The following RABGAP1L variants were observed in gnomAD, a reference collection of about 807,000 sequenced individuals.
RABGAP1L encodes the protein rab GTPase-activating protein 1-like.
Under a neutral mutation model 137.7 loss-of-function variants are expected in RABGAP1L, and 63 were observed. The observed-to-expected ratio is 0.46, with a 90% CI of 0.37 to 0.56. RABGAP1L has a LOEUF of 0.56. RABGAP1L is among the 20% of genes least tolerant of loss of function. The pLI is 0.00. For synonymous variants in RABGAP1L, 431 were observed against 433.7 expected, an observed-to-expected ratio of 0.99 and a Z score of 0.08; for missense variants, 1,095 against 1,244.0, an observed-to-expected ratio of 0.88 and a Z score of 1.80.
chr1:174,346,756 T>C (rs1437151724), intron 11 of RABGAP1L, among the ~76,000 whole-genome samples: 1 of 152,002 alleles, frequency 6.6e-6, no homozygotes, highest in Admixed American at 6.5e-5. Flanking sequence ...TTCTTTTTTT[T>C]CTCCTAATTT....
intron 25 of RABGAP1L, among the ~76,000 whole-genome samples, chr1:174,989,220 C>T (rs918548508): frequency 1.3e-5 from 2 of 152,158 alleles, no homozygotes; most frequent in South Asian, 2.1e-4. Context: ...TTGGCTGACA[C>T]CCGTTCTTTC....
intron 17 of RABGAP1L, 71 bp downstream of exon 17, chr1:174,702,327 T>A: frequency 7.4e-7 from 1 of 1,356,042 alleles, no homozygotes; most frequent in Non-Finnish European, 9.9e-7. Context: ...TACAGTTTTC[T>A]TCCTTTTGTT....
chr1:174,255,988 T>C (rs969303829), intron 7 of RABGAP1L, among the ~76,000 whole-genome samples: 12 of 152,266 alleles, frequency 7.9e-5, no homozygotes, highest in African/African-American at 2.9e-4. Flanking sequence ...AGTATACTTA[T>C]CAACATACGT....
chr1:174,533,790 C>T (rs1234741016), intron 13 of RABGAP1L, among the ~76,000 whole-genome samples: 1 of 152,086 alleles, frequency 6.6e-6, no homozygotes, highest in Non-Finnish European at 1.5e-5. Context: ...CCTGCCTCAG[C>T]CTCCCAAGTA....
chr1:174,307,532 T>C (rs567022053), intron 11 of RABGAP1L, among the ~76,000 whole-genome samples: 1 of 152,298 alleles, frequency 6.6e-6, no homozygotes, highest in African/African-American at 2.4e-5. Flanking sequence ...TTTTGCATAA[T>C]TCATATAAAT....
rs913202748 is a variant in RABGAP1L, at chr1:174,831,295, A to G, written c.2340+19335A>G. 2.7e-4 allele frequency among the ~76,000 whole-genome samples: 40 copies of G among 148,412 alleles called. 2 individuals carry two copies. Among genetic ancestry groups the G allele is most frequent in the African/African-American group, 9.3e-4 (38 of 40,704 alleles). The stretch of plus-strand genomic sequence containing the variant: ...GTACTCCGAGTCTCCCAAAGTACCT[A>G]CATTCTTAGCCAAGATACAGCAGCA... On this transcript the variant is annotated intron_variant, in intron 19 of 25. Transcript: ENST00000681986.
At chr1:174,624,699 G>T (rs1306843193) in intron 13 of RABGAP1L, among the ~76,000 whole-genome samples, 1 of 152,044 alleles carries the variant, frequency 6.6e-6, no homozygotes, top group Non-Finnish European at 1.5e-5. Context: ...AAAAATGATG[G>T]AAAATGGTAA....
At chr1:174,610,730 T>G (rs562174450) in intron 13 of RABGAP1L, among the ~76,000 whole-genome samples, 2 of 152,372 alleles carry the variant, frequency 1.3e-5, no homozygotes, top group South Asian at 4.1e-4. Context: ...TTTCCTGACT[T>G]TTTAATGATC....
chr1:174,374,898 G>T (rs575331899), intron 12 of RABGAP1L, among the ~76,000 whole-genome samples: 2 of 152,080 alleles, frequency 1.3e-5, no homozygotes, highest in African/African-American at 4.8e-5. Context: ...AATTTTTATT[G>T]TCTTTTTATG....
intron 12 of RABGAP1L, among the ~76,000 whole-genome samples, chr1:174,377,427 G>A (rs1685641971): frequency 6.6e-6 from 1 of 152,086 alleles, no homozygotes; most frequent in Non-Finnish European, 1.5e-5. Context: ...ACAATGGAAA[G>A]GCATATTACC....
intron 17 of RABGAP1L, among the ~76,000 whole-genome samples, chr1:174,735,713 G>A (rs1009063084): frequency 6.7e-6 from 1 of 149,586 alleles, no homozygotes; most frequent in South Asian, 2.1e-4. Context: ...GGCTGTACAA[G>A]CATGACTCCA....
In RABGAP1L at chr1:174,403,247, G is replaced by GTGTGTGTA. The variant is rs1210664506; in HGVS notation, c.1710+9103_1710+9104insGTGTGTAT. Reference sequence around the variant, plus strand: ...TGTGTGTGTGTGTGTGTGTGTGTGTGTATATATATGTGTATACCATTTCTT... The same window carrying GTGTGTGTA: ...TGTGTGTGTGTGTGTGTGTGTGTGTGTGTGTGTATATATATATGTGTATACCATTTCTT... On this transcript the variant is annotated intron_variant, in intron 13 of 25. Coordinates refer to ENST00000681986, the MANE Select transcript of RABGAP1L (RefSeq NM_001366446.1). Among the ~76,000 whole-genome samples, 20 of 129,402 alleles carry GTGTGTGTA rather than the reference G, an allele frequency of 1.5e-4. No individual in the cohort carries two copies. The South Asian group carries it at 3.5e-3, about 23-fold the overall frequency. The allele number at this position is 129,402 out of a possible 152,430, so 84.9% of individuals were successfully genotyped here.
chr1:174,925,354 CAAAAAAAAAA>C (rs545791515), intron 19 of RABGAP1L, among the ~76,000 whole-genome samples: 1 of 54,782 alleles, frequency 1.8e-5, no homozygotes, highest in Admixed American at 2.4e-4. Context: ...GACTCCGTCT[CAAAAAAAAAA>C]AAAAAAAAAA....
At chr1:174,659,212 A>T (rs1203792536) in intron 14 of RABGAP1L, among the ~76,000 whole-genome samples, 4 of 149,688 alleles carry the variant, frequency 2.7e-5, no homozygotes, top group African/African-American at 1.0e-4. Context: ...TGTGTTACCG[A>T]TGAAGATACC....
chr1:174,663,952 A>G (rs1460564777), intron 14 of RABGAP1L, among the ~76,000 whole-genome samples: 1 of 152,180 alleles, frequency 6.6e-6, no homozygotes, highest in Non-Finnish European at 1.5e-5. Context: ...TAGTGTTTCT[A>G]GGGACTCAGA....
chr1:174,206,317 T>A (rs749739393), intron 1 of RABGAP1L, among the ~76,000 whole-genome samples: 1 of 152,226 alleles, frequency 6.6e-6, no homozygotes, highest in Non-Finnish European at 1.5e-5. Context: ...CTTGTGTACA[T>A]GCATACATAT....
intron 10 of RABGAP1L, among the ~76,000 whole-genome samples, chr1:174,299,657 A>G (rs1483252597): frequency 6.6e-6 from 1 of 152,184 alleles, no homozygotes; most frequent in Non-Finnish European, 1.5e-5. Flanking sequence ...AGTTCAAAAT[A>G]AGTTTCCTTG....
chr1:174,874,385 C>G (rs550697016), intron 19 of RABGAP1L: 2 of 779,384 alleles, frequency 2.6e-6, no homozygotes, highest in African/African-American at 1.9e-5. Flanking sequence ...TGAAACCTAG[C>G]GAAGTTAAAT....
intron 13 of RABGAP1L, among the ~76,000 whole-genome samples, chr1:174,550,730 C>T (rs192656785): frequency 7.9e-4 from 119 of 150,508 alleles, no homozygotes; most frequent in African/African-American, 2.5e-3. Flanking sequence ...TTATAAAACC[C>T]GCTACCAAGC....
Sources: allele counts gnomAD v4.1 joint callset (sites outside exome capture counted in the v4.1 genomes callset), GRCh38; gene constraint gnomAD v4.1.1; transcripts MANE v1.5; gene names NCBI Gene and HGNC (gene_info 2026-07-23, HGNC 2026-07-21).